ARHGAP31: variants seen among roughly 807,000 people sequenced by gnomAD.
The protein encoded by ARHGAP31 is Rho GTPase activating protein 31.
Under a neutral mutation model 113.9 loss-of-function variants are expected in ARHGAP31, and 34 were observed. The observed-to-expected ratio is 0.30, with a 90% CI of 0.23 to 0.40. The LOEUF is 0.40. ARHGAP31 is among the 10% of genes least tolerant of loss of function. The probability of loss-of-function intolerance (pLI) is 1.00; values close to 1 mark genes in which losing one functional copy is unlikely to be tolerated. For missense variants in ARHGAP31, 1,548 were observed against 1,767.1 expected, an observed-to-expected ratio of 0.88 and a Z score of 2.22; for synonymous variants, 650 against 684.8, an observed-to-expected ratio of 0.95 and a Z score of 0.79.
At chr3:119,406,689 A>G (rs2080666138) in intron 10 of ARHGAP31, among the ~76,000 whole-genome samples, 1 of 152,188 alleles carries the variant, frequency 6.6e-6, no homozygotes, top group Admixed American at 6.5e-5. Context: ...GCCTCAGAGC[A>G]TTTTATGAAG....
rs2079518048 is a variant in ARHGAP31 at position 119,294,787 on chromosome 3, C to T, written c.-118C>T. On this transcript the variant is annotated 5_prime_UTR_variant, in exon 1 of 12. Coordinates refer to ENST00000264245, the MANE Select transcript of ARHGAP31 (RefSeq NM_020754.4). The stretch of plus-strand genomic sequence containing the variant: ...CCCCCAGCCCAAGTTCTTCCATCTT[C>T]CGATGCGGCCCCCCAGAGCCGCGGG... The T allele has an allele frequency of 1.0e-6, 1 of 966,614 alleles. No individual in the cohort carries two copies. Among genetic ancestry groups the T allele is most frequent in the African/African-American group, 1.6e-5 (1 of 62,238 alleles). The allele number at this position is 966,614 out of a possible 1,614,324, so 59.9% of individuals were successfully genotyped here. A position where few individuals can be genotyped will look rare whatever the true frequency, so the allele number is the denominator to read the frequency against.
At chr3:119,332,144 C>T (rs1302335426) in intron 1 of ARHGAP31, among the ~76,000 whole-genome samples, 1 of 152,092 alleles carries the variant, frequency 6.6e-6, no homozygotes, top group Admixed American at 6.6e-5. Context: ...CAACCATTCT[C>T]CAAATGAGCT....
chr3:119,319,089 G>A (rs369497587), intron 1 of ARHGAP31, among the ~76,000 whole-genome samples: 1 of 151,860 alleles, frequency 6.6e-6, no homozygotes, highest in East Asian at 1.9e-4. Flanking sequence ...AACAACTGTG[G>A]AACAGATGTT....
intron 10 of ARHGAP31, among the ~76,000 whole-genome samples, chr3:119,403,616 T>C (rs1577031561): frequency 6.6e-6 from 1 of 152,080 alleles, no homozygotes. Context: ...ACCCAAAGCA[T>C]CATGAAAGAG....
intron 1 of ARHGAP31, among the ~76,000 whole-genome samples, chr3:119,297,284 T>G (rs2079541889): frequency 6.6e-6 from 1 of 152,238 alleles, no homozygotes; most frequent in South Asian, 2.1e-4. Context: ...TTGTGGACTC[T>G]CCCAAACATG....
chr3:119,308,127 G>A (rs949398819), intron 1 of ARHGAP31, among the ~76,000 whole-genome samples: 2 of 152,082 alleles, frequency 1.3e-5, no homozygotes, highest in African/African-American at 4.8e-5. Flanking sequence ...TCAGAAGAGT[G>A]AAGGATTGTA....
Position 119,393,589 on chromosome 3 carries a change from C to T in ARHGAP31, c.1004C>T (p.Ser335Leu), listed in dbSNP as rs759269524. The T allele has an allele frequency of 4.3e-6, 7 of 1,613,986 alleles. No individual in the cohort carries two copies. Among genetic ancestry groups the T allele is most frequent in the Admixed American group, 3.3e-5 (2 of 60,002 alleles). ...GSVFVRGQRL[S>L]VEKATIRPAK... Reference sequence around the variant, plus strand: ...GTATTTGTGAGAGGACAGAGGCTCTCGGGTAAGAATCAACAGCAATTGTTT... The same window carrying T: ...GTATTTGTGAGAGGACAGAGGCTCTTGGGTAAGAATCAACAGCAATTGTTT... Residue 335 changes from serine (S) to leucine (L), a missense_variant and splice_region_variant, in exon 8 of 12, where the codon TCG (serine) becomes TTG (leucine). By Grantham distance (145) the Ser-to-Leu change is moderately radical. Transcript: ENST00000264245.
chr3:119,384,380 C>T lies in ARHGAP31; in HGVS notation c.682+1154C>T, dbSNP rs559755265. On this transcript the variant is annotated intron_variant, in intron 6 of 11. Coordinates refer to ENST00000264245, the MANE Select transcript of ARHGAP31 (RefSeq NM_020754.4). Reference sequence around the variant, plus strand: ...CTGTCTAATGCCATACTATTTTCATCAGTCCAAAAAGAAACCTGTCTTAGT... The same window carrying T: ...CTGTCTAATGCCATACTATTTTCATTAGTCCAAAAAGAAACCTGTCTTAGT... 2.0e-5 allele frequency among the ~76,000 whole-genome samples: 3 copies of T among 152,314 alleles called. No individual in the cohort carries two copies. The South Asian group carries it at 6.2e-4, about 32-fold the overall frequency.
At chr3:119,340,659 T>C (rs1346794475) in intron 1 of ARHGAP31, among the ~76,000 whole-genome samples, 1 of 152,174 alleles carries the variant, frequency 6.6e-6, no homozygotes, top group African/African-American at 2.4e-5. Context: ...AAGAATTAGA[T>C]CAAACACCAT....
intron 3 of ARHGAP31, among the ~76,000 whole-genome samples, chr3:119,374,809 T>C (rs181343106): frequency 5.1e-4 from 77 of 152,294 alleles, no homozygotes; most frequent in African/African-American, 1.7e-3. Context: ...ACCTCTTTTC[T>C]TCAGAAATTG....
At position 119,412,974 on chromosome 3, in the gene ARHGAP31, C is replaced by T. The variant is rs565414987; in HGVS notation, c.1927-882C>T. Among the ~76,000 whole-genome samples the T allele has an allele frequency of 2.9e-4, 44 of 151,008 alleles. 1 individual carries two copies. In the South Asian group the frequency reaches 6.7e-3, roughly 23 times the overall value. ...TGGAGGCTGCAGTGAGCTGAGATCA[C>T]GCCACTGCACTCCATCCAGGGCAAT... On this transcript the variant is annotated intron_variant, in intron 11 of 11. Coordinates refer to ENST00000264245, the MANE Select transcript of ARHGAP31 (RefSeq NM_020754.4).
chr3:119,389,021 C>T (rs1016064035), intron 6 of ARHGAP31, among the ~76,000 whole-genome samples: 7 of 152,046 alleles, frequency 4.6e-5, no homozygotes, highest in Non-Finnish European at 8.8e-5. Context: ...ATTAGCTTGG[C>T]ATGGCGGTGG....
chr3:119,365,116 C>A (rs576366229), intron 1 of ARHGAP31, among the ~76,000 whole-genome samples, 200 bp from the exon 2 acceptor site: 2 of 152,122 alleles, frequency 1.3e-5, no homozygotes, highest in Admixed American at 1.3e-4. Flanking sequence ...AAAAACAATT[C>A]TTTAGCAAAG....
At chr3:119,346,919 A>G (rs2080062843) in intron 1 of ARHGAP31, among the ~76,000 whole-genome samples, 1 of 152,194 alleles carries the variant, frequency 6.6e-6, no homozygotes. Flanking sequence ...GTTCAATACA[A>G]TGATCTGACG....
At chr3:119,413,445 T>C (rs542629207) in intron 11 of ARHGAP31, among the ~76,000 whole-genome samples, 1 of 152,336 alleles carries the variant, frequency 6.6e-6, no homozygotes, top group African/African-American at 2.4e-5. Flanking sequence ...CTAATGAACC[T>C]GAAGTTAAAT....
At chr3:119,387,397 G>C (rs1235593836) in intron 6 of ARHGAP31, among the ~76,000 whole-genome samples, 1 of 152,160 alleles carries the variant, frequency 6.6e-6, no homozygotes, top group African/African-American at 2.4e-5. Context: ...AAAAGTAATT[G>C]CTACAAACTA....
chr3:119,339,682 A>G (rs1334785497), intron 1 of ARHGAP31, among the ~76,000 whole-genome samples: 1 of 152,202 alleles, frequency 6.6e-6, no homozygotes, highest in African/African-American at 2.4e-5. Context: ...GAAAAAGAGC[A>G]TTTCCAAAAA....
intron 9 of ARHGAP31, among the ~76,000 whole-genome samples, chr3:119,400,892 T>C (rs1900742): frequency 0.83 from 126,469 of 152,218 alleles, 52,797 homozygotes; most frequent in African/African-American, 0.91. Flanking sequence ...GAACTTGGTC[T>C]GGGCATAGTG....
At chr3:119,392,900 G>T (rs936786405) in intron 7 of ARHGAP31, among the ~76,000 whole-genome samples, 4 of 152,274 alleles carry the variant, frequency 2.6e-5, no homozygotes, top group African/African-American at 9.6e-5. Flanking sequence ...TGTAGTGCAG[G>T]AGCCCAACAG....
Sources: allele counts gnomAD v4.1 joint callset (sites outside exome capture counted in the v4.1 genomes callset), GRCh38; gene constraint gnomAD v4.1.1; transcripts MANE v1.5; gene names NCBI Gene and HGNC (gene_info 2026-07-23, HGNC 2026-07-21).